TRHDE: variants seen among roughly 807,000 people sequenced by gnomAD.
The protein encoded by TRHDE is thyrotropin-releasing hormone-degrading ectoenzyme.
Under a neutral mutation model 125.7 loss-of-function variants are expected in TRHDE, and 72 were observed. The ratio of observed to expected loss-of-function variants is 0.57; its 90% CI spans 0.47 to 0.70. TRHDE has a LOEUF of 0.70. Ranked by LOEUF, TRHDE falls within the 30% of genes least tolerant of loss-of-function variation. The probability of loss-of-function intolerance (pLI) is 0.00; values close to 1 mark genes in which losing one functional copy is unlikely to be tolerated. For synonymous variants in TRHDE, 509 were observed against 509.1 expected (o/e 1.00, Z 0.00); for missense variants, 1,110 against 1,327.1 (o/e 0.84, Z 2.54).
At chr12:72,475,156 TA>T (rs1592472873) in intron 5 of TRHDE, among the ~76,000 whole-genome samples, 1 of 152,178 alleles carries the variant, frequency 6.6e-6, no homozygotes, top group East Asian at 1.9e-4. Flanking sequence ...AAGTATTCTT[TA>T]AAAAACATGT....
chr12:72,361,187 GC>G (rs1871058967), intron 2 of TRHDE, among the ~76,000 whole-genome samples: 1 of 151,648 alleles, frequency 6.6e-6, no homozygotes, highest in African/African-American at 2.4e-5. Context: ...GCTCTTTAAA[GC>G]TTTTTTTTGT....
At chr12:72,485,550 AG>A (rs944343627) in intron 5 of TRHDE, among the ~76,000 whole-genome samples, 25 of 152,100 alleles carry the variant, frequency 1.6e-4, no homozygotes, top group Admixed American at 1.3e-3. Context: ...GAGGGACATC[AG>A]GGGCCTCTGC....
chr12:72,651,152 G>A (rs1037692267), intron 15 of TRHDE, among the ~76,000 whole-genome samples: 48 of 152,172 alleles, frequency 3.2e-4, no homozygotes, highest in African/African-American at 1.2e-3. Context: ...TTAAAGTAAC[G>A]TTTCTCCAAA....
At chr12:72,343,702 A>T (rs566223955) in intron 2 of TRHDE, among the ~76,000 whole-genome samples, 116 of 152,226 alleles carry the variant, frequency 7.6e-4, no homozygotes, top group African/African-American at 2.7e-3. Flanking sequence ...ACTTTCTTAT[A>T]TGATTTTTGA....
chr12:72,613,616 T>A lies in TRHDE; in HGVS notation c.2322-5275T>A, dbSNP rs1872706455. Among the ~76,000 whole-genome samples, 5 of 152,058 alleles carry A rather than the reference T, an allele frequency of 3.3e-5. No homozygotes were observed. The South Asian group carries it at 8.3e-4, about 25-fold the overall frequency. ...GAGCATATTTCATTTTCTGAAGGAG[T>A]TAAGGCCAGTGAGTTAGATAATGCT... On this transcript the variant is annotated intron_variant, in intron 12 of 18. Coordinates refer to ENST00000261180, the MANE Select transcript of TRHDE (RefSeq NM_013381.3).
intron 2 of TRHDE, among the ~76,000 whole-genome samples, chr12:72,259,673 T>C (rs1878902750): frequency 6.6e-6 from 1 of 152,176 alleles, no homozygotes; most frequent in Non-Finnish European, 1.5e-5. Flanking sequence ...TCCATGTTTG[T>C]ACCTTCTCCA....
Position 72,644,474 on chromosome 12 carries a change from T to C in TRHDE, c.2676-7848T>C, listed in dbSNP as rs183392635. On this transcript the variant is annotated intron_variant, in intron 15 of 18. Transcript: ENST00000261180. Reference sequence around the variant, plus strand: ...TTTTTTCCCCTTGGTCAGCACAGAGTGATGGGAAAAGAAAAATCCCAATTC... The same window carrying C: ...TTTTTTCCCCTTGGTCAGCACAGAGCGATGGGAAAAGAAAAATCCCAATTC... Among the ~76,000 whole-genome samples the C allele has an allele frequency of 6.2e-4, 94 of 151,606 alleles. 1 individual carries two copies. The highest frequency in any genetic ancestry group is 1.9e-3 in the African/African-American group (80 of 41,316).
At chr12:72,139,378 A>G (rs141302154) in intron 2 of TRHDE, among the ~76,000 whole-genome samples, 23 of 152,344 alleles carry the variant, frequency 1.5e-4, no homozygotes, top group African/African-American at 5.5e-4. Context: ...AATGATTGTA[A>G]CAGTCATACT....
At chr12:72,579,211 TTTTCCAA>T (rs1871134451) in intron 12 of TRHDE, among the ~76,000 whole-genome samples, 1 of 152,042 alleles carries the variant, frequency 6.6e-6, no homozygotes, top group Non-Finnish European at 1.5e-5. Context: ...TTCTGAAGCC[TTTTCCAA>T]TTTAACCCTC....
At chr12:72,138,248 A>G (rs1876034043) in intron 2 of TRHDE, among the ~76,000 whole-genome samples, 1 of 152,056 alleles carries the variant, frequency 6.6e-6, no homozygotes, top group Non-Finnish European at 1.5e-5. Flanking sequence ...GGTGGTACGC[A>G]CCTGTAGTGC....
intron 2 of TRHDE, among the ~76,000 whole-genome samples, chr12:72,334,405 C>T (rs1251081474): frequency 6.6e-6 from 1 of 152,206 alleles, no homozygotes; most frequent in Non-Finnish European, 1.5e-5. Context: ...TAGGAGCTTG[C>T]ATTTTAAGAG....
At chr12:72,416,564 G>A (rs918867515) in intron 3 of TRHDE, among the ~76,000 whole-genome samples, 3 of 152,014 alleles carry the variant, frequency 2.0e-5, no homozygotes, top group Non-Finnish European at 4.4e-5. Context: ...TGTATGGTGA[G>A]AGATAGAGGT....
chr12:72,196,039 G>A (rs1047468017), intron 2 of TRHDE, among the ~76,000 whole-genome samples: 1 of 152,062 alleles, frequency 6.6e-6, no homozygotes, highest in African/African-American at 2.4e-5. Context: ...GGCTGTAGGT[G>A]TGCAGCTTTA....
At chr12:72,130,804 T>C (rs1001101228) in intron 2 of TRHDE, among the ~76,000 whole-genome samples, 4 of 152,054 alleles carry the variant, frequency 2.6e-5, no homozygotes, top group African/African-American at 9.7e-5. Context: ...TACAAATTAA[T>C]ATGTGACTGC....
At chr12:72,565,506 A>C (rs898041114) in intron 9 of TRHDE, among the ~76,000 whole-genome samples, 21 of 152,178 alleles carry the variant, frequency 1.4e-4, no homozygotes, top group Middle Eastern at 3.2e-3. Flanking sequence ...GAAGTTGTGA[A>C]TTTGCGTAGC....
intron 7 of TRHDE, among the ~76,000 whole-genome samples, chr12:72,559,205 C>CAG: frequency 6.6e-6 from 1 of 152,054 alleles, no homozygotes; most frequent in Admixed American, 6.6e-5. Context: ...AAAAGATTAC[C>CAG]AGAGAGAATG....
chr12:72,610,394 G>A (rs1361469421), intron 12 of TRHDE, among the ~76,000 whole-genome samples: 1 of 152,092 alleles, frequency 6.6e-6, no homozygotes, highest in Non-Finnish European at 1.5e-5. Context: ...AGATCAACTG[G>A]GAAATCATAT....
At chr12:72,524,107 G>A (rs1045649888) in intron 6 of TRHDE, among the ~76,000 whole-genome samples, 3 of 152,094 alleles carry the variant, frequency 2.0e-5, no homozygotes, top group Admixed American at 6.6e-5. Flanking sequence ...GAAAAGCAAA[G>A]AAAGAAATCA....
rs116543359 is a variant in TRHDE at position 72,090,709 on chromosome 12, A to G, written n.174+3270A>G. Among the ~76,000 whole-genome samples the G allele has an allele frequency of 1.3e-3, 194 of 152,346 alleles. 1 individual carries two copies. Among genetic ancestry groups the G allele is most frequent in the African/African-American group, 4.5e-3 (187 of 41,586 alleles). ...TAAATTAACCTTTTATATTACTGACATAATTCATACTTATTATAGACAATG... is the reference window on the plus strand; with the variant it reads ...TAAATTAACCTTTTATATTACTGACGTAATTCATACTTATTATAGACAATG... On this transcript the variant is annotated intron_variant and non_coding_transcript_variant, in intron 1 of 4. Coordinates refer to the TRHDE transcript ENST00000548156.
Sources: gnomAD v4.1 joint callset for allele counts (sites outside exome capture counted in the v4.1 genomes callset) on GRCh38, gnomAD v4.1.1 for gene constraint, MANE v1.5 for transcripts, NCBI Gene and HGNC (gene_info 2026-07-23, HGNC 2026-07-21) for gene names.